The following TFDP2 variants were observed in gnomAD, a reference collection of about 807,000 sequenced individuals.
TFDP2 encodes transcription factor Dp-2.
TFDP2 carries 17 observed loss-of-function variants against 59.3 expected under a neutral mutation model. The ratio of observed to expected loss-of-function variants is 0.29; its 90% CI spans 0.20 to 0.43. TFDP2 has a LOEUF of 0.43. Ranked by LOEUF, TFDP2 falls within the 20% of genes least tolerant of loss-of-function variation. The pLI, the probability that TFDP2 is intolerant of heterozygous loss-of-function variation, is 1.00. For missense variants in TFDP2, 391 were observed against 528.8 expected (o/e 0.74, Z 2.56); for synonymous variants, 180 against 194.7 (o/e 0.92, Z 0.63).
chr3:142,023,075 G>A (rs1209584616), intron 3 of TFDP2, among the ~76,000 whole-genome samples: 3 of 133,628 alleles, frequency 2.2e-5, no homozygotes, highest in African/African-American at 5.8e-5. Context: ...AGCCAAGATC[G>A]TGTCACTGCA....
chr3:142,061,889 TACACAC>T (rs71153939), intron 3 of TFDP2, among the ~76,000 whole-genome samples: 992 of 79,900 alleles, frequency 0.012, 28 homozygotes, highest in South Asian at 0.034. Context: ...TCTCTCTCTC[TACACAC>T]ACACACACAC....
chr3:142,129,132 G>A (rs1331431667), intron 1 of TFDP2, among the ~76,000 whole-genome samples: 7 of 151,852 alleles, frequency 4.6e-5, no homozygotes, highest in African/African-American at 1.7e-4. Flanking sequence ...TGCATGAAGC[G>A]CAGAGCTGGT....
At chr3:142,113,223 AC>A (rs1238539409) in intron 1 of TFDP2, among the ~76,000 whole-genome samples, 1 of 152,164 alleles carries the variant, frequency 6.6e-6, no homozygotes, top group Non-Finnish European at 1.5e-5. Context: ...CTTTACTTGA[AC>A]CATCAAAACA....
chr3:142,120,120 T>C (rs1293825870), intron 1 of TFDP2, among the ~76,000 whole-genome samples: 3 of 151,098 alleles, frequency 2.0e-5, no homozygotes, highest in East Asian at 3.9e-4. Context: ...CTCAGCACTT[T>C]GGGAGGCCGA....
chr3:142,092,826 A>G (rs903026666), intron 3 of TFDP2, among the ~76,000 whole-genome samples: 56 of 152,346 alleles, frequency 3.7e-4, no homozygotes, highest in African/African-American at 1.3e-3. Flanking sequence ...CAATTGTAAT[A>G]AGATCATTGA....
chr3:142,094,397 C>T (rs770668619), intron 2 of TFDP2, among the ~76,000 whole-genome samples: 22 of 151,976 alleles, frequency 1.4e-4, no homozygotes, highest in Non-Finnish European at 2.5e-4. Flanking sequence ...CTCCGCCTCC[C>T]GGGTTCAAGT....
chr3:142,110,462 C>A (rs941380967), intron 1 of TFDP2, among the ~76,000 whole-genome samples: 1 of 151,838 alleles, frequency 6.6e-6, no homozygotes, highest in Non-Finnish European at 1.5e-5. Context: ...CGAGATCATG[C>A]CACTGTACTC....
rs551304839 is a variant in TFDP2, at chr3:141,969,232, GAT to G, written c.732+839_732+840del. 1.3e-3 allele frequency among the ~76,000 whole-genome samples: 86 copies of G among 65,802 alleles called. 2 individuals carry two copies. Among genetic ancestry groups the G allele is most frequent in the East Asian group, 0.011 (33 of 3,072 alleles). The allele number at this position is 65,802 out of a possible 152,430, so 43.2% of individuals were successfully genotyped here. A position where few individuals can be genotyped will look rare whatever the true frequency, so the allele number is the denominator to read the frequency against. On this transcript the variant is annotated intron_variant, in intron 9 of 12. Transcript: ENST00000489671. ...ATATATATATATCTCATATATATGA[GAT>G]ATATATATATATAACATATATATAT...
intron 1 of TFDP2, among the ~76,000 whole-genome samples, chr3:142,105,900 A>C (rs1252696998): frequency 6.6e-6 from 1 of 152,214 alleles, no homozygotes; most frequent in Non-Finnish European, 1.5e-5. Context: ...ACTTAATTAA[A>C]TGAGTCAATA....
intron 3 of TFDP2, among the ~76,000 whole-genome samples, chr3:142,069,324 TA>T (rs1391511555): frequency 2.6e-5 from 4 of 152,246 alleles, no homozygotes; most frequent in African/African-American, 9.6e-5. Flanking sequence ...GAACACAATT[TA>T]TTTAACTACA....
intron 3 of TFDP2, 153 bp downstream of exon 3, chr3:142,092,908 T>C (rs2061044936): frequency 6.1e-6 from 3 of 493,680 alleles, no homozygotes; most frequent in Non-Finnish European, 1.0e-5. Flanking sequence ...CAGAGGTAAA[T>C]GACTTTCATA....
rs375093714 is a variant in TFDP2 at position 141,975,609 on chromosome 3, G to A, written c.520-1418C>T. Among the ~76,000 whole-genome samples, 61 of 150,974 alleles carry A rather than the reference G, an allele frequency of 4.0e-4. 1 individual carries two copies. The highest frequency in any genetic ancestry group is 1.4e-3 in the African/African-American group (58 of 41,004). ...CTCAGGAGGATGAGGCAGGAAAATC[G>A]CTTGAATCCGGGAGATGGAGGTTGC... On this transcript the variant is annotated intron_variant, in intron 7 of 12. Coordinates refer to ENST00000489671, the MANE Select transcript of TFDP2 (RefSeq NM_001178139.2).
chr3:141,977,177 T>C (rs1045788991), intron 7 of TFDP2, among the ~76,000 whole-genome samples: 2 of 144,874 alleles, frequency 1.4e-5, no homozygotes, highest in Admixed American at 7.1e-5. Context: ...TGGAATGCAG[T>C]GGCATGATTG....
At chr3:142,034,076 A>C (rs956415067) in intron 3 of TFDP2, among the ~76,000 whole-genome samples, 6 of 147,602 alleles carry the variant, frequency 4.1e-5, no homozygotes, top group African/African-American at 1.5e-4. Context: ...CCACTATCTC[A>C]GCTTTTGCAC....
At chr3:142,044,115 C>T (rs1947190015) in intron 3 of TFDP2, 1 of 617,038 alleles carries the variant, frequency 1.6e-6, no homozygotes, top group South Asian at 1.6e-5. Flanking sequence ...TTTCACTGGT[C>T]TCATTCGGGT....
At chr3:142,054,862 A>G (rs946215606) in intron 3 of TFDP2, among the ~76,000 whole-genome samples, 5 of 152,220 alleles carry the variant, frequency 3.3e-5, no homozygotes, top group Non-Finnish European at 5.9e-5. Flanking sequence ...GGGACATAAG[A>G]GATGGTACAA....
chr3:141,985,665 G>A (rs1942020725), intron 6 of TFDP2, among the ~76,000 whole-genome samples: 1 of 151,474 alleles, frequency 6.6e-6, no homozygotes, highest in African/African-American at 2.4e-5. Flanking sequence ...CAAACTCTTA[G>A]AAGAAAACGT....
chr3:142,079,605 T>C (rs1174033862), intron 3 of TFDP2, among the ~76,000 whole-genome samples: 1 of 152,008 alleles, frequency 6.6e-6, no homozygotes, highest in Non-Finnish European at 1.5e-5. Context: ...ATCAAACTCC[T>C]GAAGGTCAAA....
intron 7 of TFDP2, among the ~76,000 whole-genome samples, chr3:141,976,839 C>G (rs1386695676): frequency 2.0e-5 from 3 of 150,734 alleles, no homozygotes; most frequent in Non-Finnish European, 3.0e-5. Context: ...CATATAATGG[C>G]TCCCAAGGAA....
Sources: allele counts gnomAD v4.1 joint callset (sites outside exome capture counted in the v4.1 genomes callset), GRCh38; gene constraint gnomAD v4.1.1; transcripts MANE v1.5; gene names NCBI Gene and HGNC (gene_info 2026-07-23, HGNC 2026-07-21).